Variants in PDE4A observed in about 807,000 individuals in gnomAD.
PDE4A encodes the protein phosphodiesterase 4A.
Under a neutral mutation model 73.9 loss-of-function variants are expected in PDE4A, and 21 were observed. That is an observed-to-expected ratio of 0.28 (90% CI 0.20 to 0.41). PDE4A has a LOEUF of 0.41. PDE4A is among the 10% of genes least tolerant of loss of function. The probability of loss-of-function intolerance (pLI) is 1.00; values close to 1 mark genes in which losing one functional copy is unlikely to be tolerated. For synonymous variants in PDE4A, 463 were observed against 505.4 expected (o/e 0.92, Z 1.13); for missense variants, 958 against 1,211.4 (o/e 0.79, Z 3.10).
rs1232910106 is a variant in PDE4A at position 10,463,878 on chromosome 19, T to C, written c.1829T>C (p.Met610Thr). 2 of 1,614,012 alleles carry C rather than the reference T, an allele frequency of 1.2e-6. No homozygotes were observed. Among genetic ancestry groups the C allele is most frequent in the Non-Finnish European group, 1.7e-6 (2 of 1,180,016 alleles). ...ELYRQWTDRI[M>T]AEFFQQGDRE... is the part of the protein sequence containing the mutation. ...TACCGCCAGTGGACAGACCGCATCA[T>C]GGCCGAGTTCTTCCAGCAGGGTGAC... is the stretch of plus-strand genomic sequence containing the variant. Residue 610 changes from methionine to threonine, a missense_variant, in exon 14 of 15, where the codon ATG becomes ACG. Around this residue, in one of 3 missense-constraint regions of PDE4A, gnomAD observed 570 missense variants for 827.7 expected, o/e 0.69. Coordinates refer to ENST00000380702, the MANE Select transcript of PDE4A (RefSeq NM_001111307.2).
intron 7 of PDE4A, among the ~76,000 whole-genome samples, chr19:10,456,193 C>T (rs2043167574): frequency 6.6e-6 from 1 of 151,938 alleles, no homozygotes; most frequent in African/African-American, 2.4e-5. Context: ...GAGTTCAAGA[C>T]CAGCCTGGGC....
At chr19:10,463,721 G>A in intron 13 of PDE4A, 72 bp from the exon 14 acceptor site, 1 of 1,584,680 alleles carries the variant, frequency 6.3e-7, no homozygotes, top group Non-Finnish European at 8.6e-7. Flanking sequence ...AAAAAAGAAG[G>A]AATGCCTGAG....
intron 1 of PDE4A, among the ~76,000 whole-genome samples, chr19:10,440,489 T>C (rs1050178548): frequency 6.6e-6 from 1 of 152,210 alleles, no homozygotes; most frequent in Admixed American, 6.5e-5. Flanking sequence ...AGTGGCACGA[T>C]GTCAGCTCAC....
chr19:10,459,711 T>G lies in PDE4A; in HGVS notation c.1317T>G (p.Ala439=), dbSNP rs188830071. ...DVAYHNSLHA[A]DVLQSTHVLL... ...CCTACCATAACAGCCTGCACGCAGC[T>G]GACGTGCTGCAGTCCACCCACGTAC... Residue 439 remains alanine, a synonymous_variant, in exon 10 of 15, where the codon GCT becomes GCG. Transcript: ENST00000380702. 1.9e-6 allele frequency: 3 copies of G among 1,614,144 alleles called. No homozygotes were observed. Among genetic ancestry groups the G allele is most frequent in the Non-Finnish European group, 8.5e-7 (1 of 1,180,006 alleles).
At chr19:10,420,510 CCGCGGAACGCGGAG>C (rs1213524515), upstream of PDE4A, 113 of 1,040,336 alleles carry the variant, frequency 1.1e-4, no homozygotes, top group Admixed American at 5.2e-5. The surrounding 1 kb of genome is among the most constrained non-coding windows in gnomAD (Gnocchi z 6.0). Context: ...GCCGAGCGGG[CCGCGGAACGCGGAG>C]CGCGGAGCGC....
intron 1 of PDE4A, among the ~76,000 whole-genome samples, chr19:10,432,175 A>C (rs1434589179): frequency 1.1e-3 from 4 of 3,796 alleles, no homozygotes; most frequent in Non-Finnish European, 2.0e-3. Context: ...GAGGGAGGAG[A>C]CGGGGGGGGG....
rs543019572 is a variant in PDE4A at position 10,420,573 on chromosome 19, C to G, written c.-192C>G. 3.2e-6 allele frequency: 4 copies of G among 1,251,282 alleles called. No homozygotes were observed. Among genetic ancestry groups the G allele is most frequent in the Non-Finnish European group, 3.0e-6 (3 of 999,784 alleles). The allele number at this position is 1,251,282 out of a possible 1,614,324, so 77.5% of individuals were successfully genotyped here. On this transcript the variant is annotated 5_prime_UTR_variant, in exon 1 of 15. Transcript: ENST00000380702. The surrounding 1 kb of genome is among the most constrained non-coding windows in gnomAD (Gnocchi z 6.0). ...GGGCACTGAGCAGAGCTCCAGGCGC[C>G]GAAAGGAAGCTGCAGAGCCCGGCCC...
upstream of PDE4A, chr19:10,417,659 G>A (rs1288616083): frequency 1.6e-5 from 25 of 1,591,632 alleles, no homozygotes; most frequent in Non-Finnish European, 2.0e-5. Context: ...TCCCTCCCCA[G>A]AGGTCGAGGG....
chr19:10,468,709 A>C lies in PDE4A; in HGVS notation c.*1088A>C. 1 of 151,746 alleles carries C rather than the reference A, an allele frequency of 6.6e-6. No individual in the cohort carries two copies. 9.4% of individuals were successfully genotyped at this position (151,746 alleles called of 1,614,324 possible). A position where few individuals can be genotyped will look rare whatever the true frequency, so the allele number is the denominator to read the frequency against. On this transcript the variant is annotated 3_prime_UTR_variant, in exon 15 of 15. Transcript: ENST00000380702. ...CTACCTTTTGCCCTAGGAGGAAGCA[A>C]TAATGGTGTATACCCTCATTCTCAT... is the stretch of plus-strand genomic sequence containing the variant.
At chr19:10,449,048 A>C in intron 3 of PDE4A, 32 bp from the exon 4 acceptor site, 1 of 1,612,236 alleles carries the variant, frequency 6.2e-7, no homozygotes, top group Non-Finnish European at 8.5e-7. Flanking sequence ...CTCTAGGGGA[A>C]CCCCACTCCT....
intron 13 of PDE4A, among the ~76,000 whole-genome samples, chr19:10,462,215 C>T (rs924397335): frequency 1.1e-4 from 16 of 151,998 alleles, no homozygotes; most frequent in African/African-American, 3.6e-4. Context: ...CTCACCACAA[C>T]CTCCGCCTCC....
chr19:10,432,090 C>T (rs1160109564), intron 1 of PDE4A, among the ~76,000 whole-genome samples: 3 of 137,284 alleles, frequency 2.2e-5, no homozygotes, highest in African/African-American at 8.0e-5. Flanking sequence ...GGGGGAAAGG[C>T]GGGGCCGGAG....
At chr19:10,455,540 A>C (rs947305147) in intron 7 of PDE4A, among the ~76,000 whole-genome samples, 1 of 152,018 alleles carries the variant, frequency 6.6e-6, no homozygotes, top group Non-Finnish European at 1.5e-5. Context: ...AGGCTGAGGC[A>C]AGAGAATCTC....
chr19:10,452,020 GGTGTGTGTGTGTGT>G (rs58194674), intron 6 of PDE4A, among the ~76,000 whole-genome samples: 22 of 140,098 alleles, frequency 1.6e-4, no homozygotes, highest in South Asian at 2.4e-4. Context: ...TTTCTGCAAT[GGTGTGTGTGTGTGT>G]GTGTGTGTGT....
intron 1 of PDE4A, chr19:10,427,566 C>G: frequency 1.0e-6 from 1 of 985,400 alleles, no homozygotes; most frequent in Non-Finnish European, 1.2e-6. Context: ...TAGGACGGGA[C>G]AAGCATCATT....
In PDE4A at chr19:10,446,857, G is replaced by C. The variant is rs542760399; in HGVS notation, c.512+448G>C. On this transcript the variant is annotated intron_variant, in intron 2 of 14. Coordinates refer to ENST00000380702, the MANE Select transcript of PDE4A (RefSeq NM_001111307.2). ...GATCCGCCTGCCTTGGCCTCCCAGA[G>C]TGCTGGGATTACAGGCGTGAGCCAC... Among the ~76,000 whole-genome samples, 7 of 150,844 alleles carry C rather than the reference G, an allele frequency of 4.6e-5. No individual in the cohort carries two copies. The South Asian group carries it at 1.1e-3, about 23-fold the overall frequency.
At position 10,426,809 on chromosome 19, in the gene PDE4A, A is replaced by G. The variant is rs12975360; in HGVS notation, c.320+5725A>G. On this transcript the variant is annotated intron_variant, in intron 1 of 14. Coordinates refer to ENST00000380702, the MANE Select transcript of PDE4A (RefSeq NM_001111307.2). ...CATGAACCCAGGAGGCGGAGGTTGC[A>G]GTGAGCCGAGATTGCGCCACTTCAC... Among the ~76,000 whole-genome samples the G allele has an allele frequency of 3.8e-3, 577 of 151,946 alleles. 5 individuals are homozygous for G. Among genetic ancestry groups the G allele is most frequent in the Non-Finnish European group, 4.7e-3 (316 of 67,940 alleles).
At chr19:10,465,708 T>TC (rs2043357094) in intron 14 of PDE4A, among the ~76,000 whole-genome samples, 1 of 99,302 alleles carries the variant, frequency 1.0e-5, no homozygotes, top group East Asian at 4.0e-4. Flanking sequence ...TTTTTTTTTT[T>TC]TTTTTTTTTG....
In PDE4A at chr19:10,458,985, TAA is replaced by T. The variant is rs2043214418; in HGVS notation, c.1102-414_1102-413del. ...CTGAATTTTGGAGAGACATGGAAAA[TAA>T]GCCCTTCTTCCTTTCTCCCCTGGGG... On this transcript the variant is annotated intron_variant, in intron 8 of 14. Coordinates refer to ENST00000380702, the MANE Select transcript of PDE4A (RefSeq NM_001111307.2). The surrounding 1 kb of genome is among the most constrained non-coding windows in gnomAD (Gnocchi z 4.6). The T allele has an allele frequency of 2.2e-5, 4 of 177,946 alleles. No homozygotes were observed. The highest frequency in any genetic ancestry group is 9.4e-5 in the African/African-American group (4 of 42,496). The allele number at this position is 177,946 out of a possible 1,614,324, so 11.0% of individuals were successfully genotyped here.
Sources: allele counts gnomAD v4.1 joint callset (sites outside exome capture counted in the v4.1 genomes callset), GRCh38; gene constraint gnomAD v4.1.1; regional missense constraint gnomAD v4.1.1; non-coding constraint Gnocchi (gnomAD v3.1); transcripts MANE v1.5; gene names NCBI Gene and HGNC (gene_info 2026-07-23, HGNC 2026-07-21).